Variants in ADAM10 observed in about 807,000 individuals in gnomAD.
The protein encoded by ADAM10 is ADAM metallopeptidase domain 10, also known as disintegrin and metalloproteinase domain-containing protein 10.
A neutral mutation model predicts 90.1 loss-of-function variants in ADAM10; 17 were observed. The ratio of observed to expected loss-of-function variants is 0.19; its 90% CI spans 0.13 to 0.28. ADAM10 has a LOEUF of 0.28. Ranked by LOEUF, ADAM10 falls within the 10% of genes least tolerant of loss-of-function variation. ADAM10 has a pLI of 1.00. For missense variants in ADAM10, 610 were observed against 914.3 expected, an observed-to-expected ratio of 0.67 and a Z score of 4.29; for synonymous variants, 310 against 298.6, an observed-to-expected ratio of 1.04 and a Z score of -0.40.
chr15:58,658,384 A>AT (rs1282518683), intron 5 of ADAM10, among the ~76,000 whole-genome samples: 1 of 152,232 alleles, frequency 6.6e-6, no homozygotes, highest in Non-Finnish European at 1.5e-5. Context: ...AGATGACACT[A>AT]TCTTGATTAC....
chr15:58,655,712 T>C (rs1276315727), intron 5 of ADAM10, among the ~76,000 whole-genome samples: 798 of 22,678 alleles, frequency 0.035, 59 homozygotes, highest in African/African-American at 0.2. Context: ...ATATATATAG[T>C]ATATATATAT....
At position 58,593,149 on chromosome 15, in the gene ADAM10, ATT is replaced by A. The variant is rs766149223; in HGVS notation, c.*4396_*4397del. The A allele has an allele frequency of 5.8e-5, 4 of 68,466 alleles. No individual in the cohort carries two copies. The highest frequency in any genetic ancestry group is 6.5e-4 in the South Asian group (1 of 1,550). The allele number at this position is 68,466 out of a possible 1,614,324, so 4.2% of individuals were successfully genotyped here. On this transcript the variant is annotated 3_prime_UTR_variant, in exon 16 of 16. Coordinates refer to ENST00000260408, the MANE Select transcript of ADAM10 (RefSeq NM_001110.4). ...AAAGTAACAAAGGCCAGGTACTCAA[ATT>A]TTTTTTTTTTTTTTTTTTTTTTTTT...
intron 10 of ADAM10, among the ~76,000 whole-genome samples, chr15:58,625,158 T>A (rs1895901197): frequency 6.6e-6 from 1 of 152,182 alleles, no homozygotes; most frequent in South Asian, 2.1e-4. Flanking sequence ...ACTGATTAAC[T>A]GGACCTCATC....
At chr15:58,637,938 T>TAA (rs111492683) in intron 8 of ADAM10, among the ~76,000 whole-genome samples, 1 of 148,362 alleles carries the variant, frequency 6.7e-6, no homozygotes, top group African/African-American at 2.5e-5. Context: ...TTCCTTGTTT[T>TAA]AAAAAAAAAA....
At chr15:58,697,366 C>G (rs1404163200) in intron 2 of ADAM10, among the ~76,000 whole-genome samples, 1 of 152,098 alleles carries the variant, frequency 6.6e-6, no homozygotes, top group African/African-American at 2.4e-5. Context: ...CTCGAGCACT[C>G]CACTGGGGCC....
intron 2 of ADAM10, among the ~76,000 whole-genome samples, chr15:58,714,326 C>CAA (rs1268922134): frequency 6.6e-6 from 1 of 150,698 alleles, no homozygotes; most frequent in Non-Finnish European, 1.5e-5. Flanking sequence ...CACACACACA[C>CAA]AGAAGCTGTG....
chr15:58,720,423 CAG>C (rs1898813703), intron 1 of ADAM10, among the ~76,000 whole-genome samples: 1 of 144,478 alleles, frequency 6.9e-6, no homozygotes, highest in African/African-American at 2.6e-5. Flanking sequence ...TTTTTTGAGA[CAG>C]AGTCTCGCTC....
intron 9 of ADAM10, 142 bp downstream of exon 9, chr15:58,633,054 G>T: frequency 1.3e-6 from 1 of 790,880 alleles, no homozygotes; most frequent in Non-Finnish European, 2.0e-6. Context: ...CTTTCAGTAT[G>T]GTCAAATACA....
chr15:58,745,671 TG>T (rs1345928632), intron 1 of ADAM10, among the ~76,000 whole-genome samples: 2 of 152,126 alleles, frequency 1.3e-5, no homozygotes, highest in Non-Finnish European at 2.9e-5. Context: ...TTTTAAAAGT[TG>T]GAGCCATCTA....
At chr15:58,698,336 C>A in intron 2 of ADAM10, 1 of 433,828 alleles carries the variant, frequency 2.3e-6, no homozygotes, top group Non-Finnish European at 4.6e-6. Flanking sequence ...CTGTGGGAGG[C>A]TGAGGCAGGT....
chr15:58,671,175 G>C (rs138920534), intron 4 of ADAM10, among the ~76,000 whole-genome samples: 2,538 of 152,196 alleles, frequency 0.017, 27 homozygotes, highest in Non-Finnish European at 0.025. Flanking sequence ...AGATCTACAA[G>C]CTTGCCTATA....
At chr15:58,671,638 C>G (rs1344558655) in intron 4 of ADAM10, among the ~76,000 whole-genome samples, 8 of 152,180 alleles carry the variant, frequency 5.3e-5, no homozygotes, top group African/African-American at 1.9e-4. Flanking sequence ...CTTTAGGAGT[C>G]CGCGGCAGGA....
intron 4 of ADAM10, among the ~76,000 whole-genome samples, chr15:58,665,422 A>G (rs1897056323): frequency 6.6e-6 from 1 of 152,146 alleles, no homozygotes; most frequent in Non-Finnish European, 1.5e-5. Context: ...TTTGTCATAT[A>G]GATGATTTGT....
intron 14 of ADAM10, among the ~76,000 whole-genome samples, chr15:58,606,890 T>A (rs1283267001): frequency 6.6e-6 from 1 of 152,164 alleles, no homozygotes; most frequent in Non-Finnish European, 1.5e-5. Context: ...GATAAACATT[T>A]GAGGTTTTGT....
chr15:58,627,896 A>G lies in ADAM10; in HGVS notation c.1177-13T>C, dbSNP rs949903495. The G allele has an allele frequency of 1.2e-6, 2 of 1,612,212 alleles. No homozygotes were observed. The highest frequency in any genetic ancestry group is 8.5e-7 in the Non-Finnish European group (1 of 1,179,366). ...TTCCAGAATCATGCTGTCAAAAAGA[A>G]TATAAAGTTACATAAACAGGAAGTA... On this transcript the variant is annotated splice_polypyrimidine_tract_variant and intron_variant, in intron 9 of 15. Transcript: ENST00000260408.
chr15:58,615,276 G>GAAAAAAAAAAAAAAAAAAAAAACAAAAA (rs35628107), intron 11 of ADAM10, among the ~76,000 whole-genome samples: 1 of 84,786 alleles, frequency 1.2e-5, no homozygotes, highest in Non-Finnish European at 2.4e-5. Flanking sequence ...TCCGTCTGAA[G>GAAAAAAAAAAAAAAAAAAAAAACAAAAA]AAAAAAAAAA....
At chr15:58,673,256 A>G (rs572411990) in intron 4 of ADAM10, among the ~76,000 whole-genome samples, 1 of 152,296 alleles carries the variant, frequency 6.6e-6, no homozygotes, top group South Asian at 2.1e-4. Flanking sequence ...ATGAAAATCT[A>G]AAGCAGGTTC....
At chr15:58,657,317 T>A (rs1424540311) in intron 5 of ADAM10, among the ~76,000 whole-genome samples, 1 of 152,214 alleles carries the variant, frequency 6.6e-6, no homozygotes, top group Non-Finnish European at 1.5e-5. Flanking sequence ...TTTAAGGACA[T>A]AATTCTTATG....
At chr15:58,691,676 CTTTTTT>C (rs71116587) in intron 2 of ADAM10, 377 of 231,256 alleles carry the variant, frequency 1.6e-3, no homozygotes, top group South Asian at 4.2e-3. Context: ...ACTTCTTCTT[CTTTTTT>C]TTTTTTTTTT....
Sources: allele counts gnomAD v4.1 joint callset (sites outside exome capture counted in the v4.1 genomes callset), GRCh38; gene constraint gnomAD v4.1.1; transcripts MANE v1.5; gene names NCBI Gene and HGNC (gene_info 2026-07-23, HGNC 2026-07-21).